Variants in MTA3 observed in about 807,000 individuals in gnomAD.
MTA3 encodes metastasis-associated protein MTA3.
MTA3 carries 34 observed loss-of-function variants against 83.5 expected under a neutral mutation model. The observed-to-expected ratio is 0.41, with a 90% CI of 0.31 to 0.54. The LOEUF is 0.54. Ranked by LOEUF, MTA3 falls within the 20% of genes least tolerant of loss-of-function variation. The pLI is 0.33. For missense variants in MTA3, 761 were observed against 726.4 expected (o/e 1.05, Z -0.55); for synonymous variants, 303 against 252.7 (o/e 1.20, Z -1.89).
intron 16 of MTA3, among the ~76,000 whole-genome samples, chr2:42,739,727 A>T (rs1359086410): frequency 6.6e-6 from 1 of 152,122 alleles, no homozygotes; most frequent in Non-Finnish European, 1.5e-5. Flanking sequence ...ATCCTCTCAA[A>T]CTCTGCTGCT....
At chr2:42,577,480 T>C (rs544777615) in intron 2 of MTA3, among the ~76,000 whole-genome samples, 4 of 151,700 alleles carry the variant, frequency 2.6e-5, no homozygotes, top group East Asian at 1.9e-4. Context: ...ACTGTTGATT[T>C]GGATTTTTTT....
rs143857720 is a variant in MTA3 at position 42,521,320 on chromosome 2, C to T, written c.-141+26066C>T. Among the ~76,000 whole-genome samples, 656 of 152,232 alleles carry T rather than the reference C, an allele frequency of 4.3e-3. 5 individuals carry two copies. Among genetic ancestry groups the T allele is most frequent in the African/African-American group, 0.015 (624 of 41,534 alleles). The stretch of plus-strand genomic sequence containing the variant: ...TGGACCTGAGGCCTGCCAACAGCCA[C>T]GTGAGTGAACTTGGAAGCAGACCCC... On this transcript the variant is annotated intron_variant, in intron 2 of 17. Transcript: ENST00000405592.
At chr2:42,727,094 G>A (rs1046738284) in intron 16 of MTA3, among the ~76,000 whole-genome samples, 1 of 152,102 alleles carries the variant, frequency 6.6e-6, no homozygotes, top group African/African-American at 2.4e-5. Context: ...TACTTGGCGG[G>A]GGCTGAGGCA....
intron 6 of MTA3, among the ~76,000 whole-genome samples, chr2:42,655,459 G>A (rs1004668833): frequency 1.3e-5 from 2 of 152,076 alleles, no homozygotes; most frequent in African/African-American, 4.8e-5. Flanking sequence ...TCTCCTTCAT[G>A]ATATTGTTTC....
upstream of MTA3, among the ~76,000 whole-genome samples, chr2:42,565,926 C>T (rs1316402931): frequency 6.6e-6 from 1 of 152,090 alleles, no homozygotes; most frequent in Non-Finnish European, 1.5e-5. Flanking sequence ...ATTGCTTGAG[C>T]CTCGGAGGTG....
chr2:42,572,145 G>C (rs1218374799), intron 2 of MTA3, among the ~76,000 whole-genome samples: 1 of 151,940 alleles, frequency 6.6e-6, no homozygotes, highest in African/African-American at 2.4e-5. Context: ...CGGGCATGGT[G>C]GTGTGCACCT....
intron 3 of MTA3, among the ~76,000 whole-genome samples, chr2:42,600,425 T>C (rs950719355): frequency 3.3e-5 from 5 of 152,180 alleles, no homozygotes; most frequent in Admixed American, 1.3e-4. Context: ...TTTTCTGACT[T>C]TTGGTTTCCA....
intron 2 of MTA3, among the ~76,000 whole-genome samples, chr2:42,536,753 G>A (rs372237749): frequency 2.0e-5 from 3 of 151,682 alleles, no homozygotes; most frequent in African/African-American, 7.3e-5. Flanking sequence ...CAGCTACTCA[G>A]GAGGCTGAGG....
Position 42,644,208 on chromosome 2 carries a change from A to G in MTA3, c.463A>G (p.Arg155Gly). Residue 155 changes from arginine to glycine, a missense_variant, in exon 6 of 17, where the codon AGA (arginine) becomes GGA (glycine). Arg to Gly is a moderately radical substitution (Grantham distance 125, BLOSUM62 -2). Coordinates refer to ENST00000405094, the MANE Select transcript of MTA3 (RefSeq NM_001330442.2). ...CAAAGGTGAAATCAGAGTGGGACCT[A>G]GATATCAAGCAGACATTCCAGAAAT... ...ADKGEIRVGP[R>G]YQADIPEMLL... is the part of the protein sequence containing the mutation. The G allele has an allele frequency of 6.2e-7, 1 of 1,613,146 alleles. No homozygotes were observed. The highest frequency in any genetic ancestry group is 8.5e-7 in the Non-Finnish European group (1 of 1,179,492).
chr2:42,583,921 G>A (rs1011832443), intron 3 of MTA3, among the ~76,000 whole-genome samples: 2 of 151,212 alleles, frequency 1.3e-5, no homozygotes, highest in East Asian at 3.9e-4. Context: ...TCAGCTCAAC[G>A]TAACCTCCAC....
chr2:42,594,705 C>CATATATATATATATAAATATACATAT (rs1681494671), intron 3 of MTA3, among the ~76,000 whole-genome samples: 1 of 46,500 alleles, frequency 2.2e-5, no homozygotes, highest in Non-Finnish European at 3.4e-5. Context: ...TATAAATATA[C>CATATATATATATATAAATATACATAT]ATATATATAT....
At chr2:42,495,670 A>G (rs775764443) in intron 2 of MTA3, among the ~76,000 whole-genome samples, 11 of 152,192 alleles carry the variant, frequency 7.2e-5, no homozygotes, top group Non-Finnish European at 1.0e-4. Flanking sequence ...CACTGAAACA[A>G]TGGGGATCTC....
chr2:42,710,659 A>C (rs1009963561), intron 14 of MTA3, among the ~76,000 whole-genome samples: 2 of 151,522 alleles, frequency 1.3e-5, no homozygotes, highest in Admixed American at 1.3e-4. Context: ...GCTTATATTT[A>C]GGTTTTGTGC....
chr2:42,674,708 C>T (rs1691173356), intron 8 of MTA3, among the ~76,000 whole-genome samples: 1 of 150,614 alleles, frequency 6.6e-6, no homozygotes, highest in Non-Finnish European at 1.5e-5. Context: ...AAGGGATTCT[C>T]CTGCCTCAGC....
At chr2:42,573,982 CTATTTATTTATTTATT>C (rs112041996) in intron 2 of MTA3, among the ~76,000 whole-genome samples, 2 of 150,808 alleles carry the variant, frequency 1.3e-5, no homozygotes, top group Admixed American at 6.6e-5. Flanking sequence ...CTACGCCTGG[CTATTTATTTATTTATT>C]TATTTATTTA....
chr2:42,634,261 TGTATTTTAATTAG>T (rs1219298176), intron 4 of MTA3, among the ~76,000 whole-genome samples: 18 of 152,236 alleles, frequency 1.2e-4, no homozygotes, highest in Non-Finnish European at 1.6e-4. Context: ...TGGAAATTTA[TGTATTTTAATTAG>T]GTATTTTAAT....
Position 42,656,212 on chromosome 2 carries a change from A to C in MTA3, c.512A>C (p.Glu171Ala). ...TATTTTTGGACAGGAGAATCAGATG[A>C]GAGGGAACAATCAAAATTGGAAGTT... ...PEMLLEGESD[E>A]REQSKLEVKV... is the part of the protein sequence containing the mutation. Residue 171 changes from glutamate (E) to alanine (A), a missense_variant, in exon 7 of 17, where the codon GAG (glutamate) becomes GCG (alanine). Coordinates refer to ENST00000405094, the MANE Select transcript of MTA3 (RefSeq NM_001330442.2). 1 of 1,613,300 alleles carries C rather than the reference A, an allele frequency of 6.2e-7. No homozygotes were observed.
chr2:42,563,787 C>CCTTCCTTCCTTG (rs1677774961), upstream of MTA3, among the ~76,000 whole-genome samples: 1 of 140,672 alleles, frequency 7.1e-6, no homozygotes, highest in Non-Finnish European at 1.5e-5. Flanking sequence ...TTCCTTCCTT[C>CCTTCCTTCCTTG]CTTCCTTCCT....
chr2:42,706,660 A>G (rs909451866), intron 12 of MTA3, among the ~76,000 whole-genome samples: 3 of 152,180 alleles, frequency 2.0e-5, no homozygotes, highest in Non-Finnish European at 4.4e-5. Flanking sequence ...CTCAACCTCA[A>G]TGTTTTCTCT....
Sources: gnomAD v4.1 joint callset for allele counts (sites outside exome capture counted in the v4.1 genomes callset) on GRCh38, gnomAD v4.1.1 for gene constraint, MANE v1.5 for transcripts, NCBI Gene and HGNC (gene_info 2026-07-23, HGNC 2026-07-21) for gene names.